BACE2: variants seen among roughly 807,000 people sequenced by gnomAD.
BACE2 encodes the protein beta-secretase 2, also known as 56 kDa aspartic-like protease.
A neutral mutation model predicts 46.2 loss-of-function variants in BACE2; 17 were observed. The observed-to-expected ratio is 0.37, with a 90% confidence interval of 0.25 to 0.55. The LOEUF is 0.55. BACE2 is among the 20% of genes least tolerant of loss of function. The probability of loss-of-function intolerance (pLI) is 0.82; values close to 1 mark genes in which losing one functional copy is unlikely to be tolerated. For missense variants in BACE2, 595 were observed against 698.1 expected (o/e 0.85, Z 1.66); for synonymous variants, 277 against 295.9 (o/e 0.94, Z 0.66).
intron 8 of BACE2, among the ~76,000 whole-genome samples, chr21:41,273,527 C>T (rs1032620902): frequency 2.0e-5 from 3 of 152,212 alleles, no homozygotes; most frequent in Admixed American, 6.5e-5. Flanking sequence ...AAATATGGCT[C>T]TGTTCCGCCC....
rs1223343832 is a variant in BACE2, at chr21:41,279,103, T to A, written c.*3479T>A. 6.6e-6 allele frequency: 1 copy of A among 152,090 alleles called. No individual in the cohort carries two copies. Among genetic ancestry groups the A allele is most frequent in the East Asian group, 1.9e-4 (1 of 5,184 alleles). 9.4% of individuals were successfully genotyped at this position (152,090 alleles called of 1,614,324 possible). ...GTTCTGGCCAAGAGAGGTACTAGATTTTTTTAATGCCGAGAAAAGTCCATG... is the reference window on the plus strand; with the variant it reads ...GTTCTGGCCAAGAGAGGTACTAGATATTTTTAATGCCGAGAAAAGTCCATG... On this transcript the variant is annotated 3_prime_UTR_variant, in exon 9 of 9. Coordinates refer to ENST00000330333, the MANE Select transcript of BACE2 (RefSeq NM_012105.5).
intron 1 of BACE2, among the ~76,000 whole-genome samples, chr21:41,215,447 C>T (rs1047295285): frequency 2.9e-4 from 44 of 152,318 alleles, no homozygotes; most frequent in African/African-American, 1.0e-3. Context: ...GCTCTCACCC[C>T]ATGCCCCAGG....
chr21:41,224,972 C>T (rs1276176727), intron 1 of BACE2, among the ~76,000 whole-genome samples: 1 of 152,178 alleles, frequency 6.6e-6, no homozygotes, highest in African/African-American at 2.4e-5. Flanking sequence ...CGGTGGCTCA[C>T]GCCTGTAATC....
At chr21:41,209,323 C>G (rs1400854338) in intron 1 of BACE2, among the ~76,000 whole-genome samples, 2 of 152,206 alleles carry the variant, frequency 1.3e-5, no homozygotes. Flanking sequence ...AGAGAGGGAA[C>G]AGAGGTGCCC....
chr21:41,221,553 C>T lies in BACE2; in HGVS notation c.313-4713C>T, dbSNP rs529569761. Among the ~76,000 whole-genome samples, 7 of 152,116 alleles carry T rather than the reference C, an allele frequency of 4.6e-5. No individual in the cohort carries two copies. The South Asian group carries it at 6.2e-4, about 14-fold the overall frequency. On this transcript the variant is annotated intron_variant, in intron 1 of 8. Transcript: ENST00000330333. ...CAAATGTGTGAGTGTCGGCCGGGCG[C>T]GGTGGCTCACGCCTGTAATCCCAGC...
At chr21:41,168,708 A>C in intron 1 of BACE2, 133 bp downstream of exon 1, 5 of 414,186 alleles carry the variant, frequency 1.2e-5, no homozygotes, top group Non-Finnish European at 1.8e-5. Flanking sequence ...CGGGGAACGC[A>C]GAGGGGCTCG....
intron 3 of BACE2, among the ~76,000 whole-genome samples, chr21:41,240,681 A>G (rs1568882395): frequency 6.6e-6 from 1 of 152,174 alleles, no homozygotes; most frequent in African/African-American, 2.4e-5. Context: ...CCAAGAGGTG[A>G]TTTTGTCTCA....
intron 2 of BACE2, among the ~76,000 whole-genome samples, chr21:41,233,056 G>A (rs1194369578): frequency 1.3e-5 from 2 of 152,056 alleles, no homozygotes; most frequent in Non-Finnish European, 2.9e-5. Flanking sequence ...TTTCAGTAGA[G>A]ACGGGGTTTC....
intron 1 of BACE2, among the ~76,000 whole-genome samples, chr21:41,218,840 G>A (rs1207154408): frequency 6.6e-6 from 1 of 151,084 alleles, no homozygotes; most frequent in African/African-American, 2.4e-5. Flanking sequence ...CTATCCTGGA[G>A]CACCCCCTGT....
chr21:41,274,805 T>C (rs1362497004), intron 8 of BACE2, among the ~76,000 whole-genome samples: 1 of 152,188 alleles, frequency 6.6e-6, no homozygotes, highest in Non-Finnish European at 1.5e-5. Flanking sequence ...CAAGCCAGCC[T>C]GACCCCCGGA....
intron 1 of BACE2, among the ~76,000 whole-genome samples, chr21:41,191,824 AATTCTCC>A (rs1324267586): frequency 2.6e-5 from 4 of 152,086 alleles, no homozygotes; most frequent in Non-Finnish European, 5.9e-5. Flanking sequence ...TGATTATTAA[AATTCTCC>A]TCTGGTGAGG....
At position 41,257,333 on chromosome 21, in the gene BACE2, G is replaced by T; in HGVS notation, c.1303+7G>T. On this transcript the variant is annotated splice_region_variant and intron_variant, in intron 8 of 8. Coordinates refer to ENST00000330333, the MANE Select transcript of BACE2 (RefSeq NM_012105.5). ...GCAGCGAGCCCCTGTGCAGGTGAGC[G>T]ATTCTGGCATCGAACAGGGATCCCC... The T allele has an allele frequency of 6.2e-7, 1 of 1,612,398 alleles. No individual in the cohort carries two copies. The highest frequency in any genetic ancestry group is 2.2e-5 in the East Asian group (1 of 44,852).
At chr21:41,261,252 A>G (rs1284671378) in intron 8 of BACE2, among the ~76,000 whole-genome samples, 1 of 152,188 alleles carries the variant, frequency 6.6e-6, no homozygotes, top group East Asian at 1.9e-4. Flanking sequence ...GCATTATATG[A>G]GAATTTCCAT....
chr21:41,268,080 A>G (rs893533162), intron 8 of BACE2, among the ~76,000 whole-genome samples: 7 of 152,270 alleles, frequency 4.6e-5, no homozygotes, highest in Non-Finnish European at 8.8e-5. Flanking sequence ...AGTTAAAAGT[A>G]ACAGTTTAGT....
chr21:41,192,575 C>G (rs1985611278), intron 1 of BACE2, among the ~76,000 whole-genome samples: 1 of 152,212 alleles, frequency 6.6e-6, no homozygotes, highest in African/African-American at 2.4e-5. Context: ...ATGGCAGGGC[C>G]TTGCTCCAAT....
At chr21:41,177,164 G>T (rs1164360665) in intron 1 of BACE2, 1 of 152,232 alleles carries the variant, frequency 6.6e-6, no homozygotes, top group Non-Finnish European at 1.5e-5. Flanking sequence ...GAGTAATCCT[G>T]CTTGGGGAAA....
At position 41,241,908 on chromosome 21, in the gene BACE2, C is replaced by T. The variant is rs199497429; in HGVS notation, c.708C>T (p.Gly236=). The change falls in exon 4 of 9, where the codon GGC becomes GGT. Residue 236 remains glycine (G), a synonymous_variant. Coordinates refer to ENST00000330333, the MANE Select transcript of BACE2 (RefSeq NM_012105.5). ...NVFSMQMCGA[G]LPVAGSGTNG... is the part of the protein sequence containing the mutation. The stretch of plus-strand genomic sequence containing the variant: ...TCTCCATGCAGATGTGTGGAGCCGG[C>T]TTGCCCGTTGCTGGATCTGGGACCA... The T allele has an allele frequency of 2.5e-6, 4 of 1,614,198 alleles. No homozygotes were observed. Among genetic ancestry groups the T allele is most frequent in the Non-Finnish European group, 3.4e-6 (4 of 1,180,038 alleles).
intron 8 of BACE2, among the ~76,000 whole-genome samples, chr21:41,267,150 G>A (rs538893707): frequency 1.3e-5 from 2 of 152,238 alleles, no homozygotes; most frequent in East Asian, 1.9e-4. Context: ...GGCGGTGGGT[G>A]GGAAGGTGAT....
At chr21:41,204,414 GA>G (rs1986061358) in intron 1 of BACE2, among the ~76,000 whole-genome samples, 1 of 152,148 alleles carries the variant, frequency 6.6e-6, no homozygotes, top group African/African-American at 2.4e-5. Context: ...GATCCTGGGA[GA>G]GGGGGAAAAA....
Sources: gnomAD v4.1 joint callset for allele counts (sites outside exome capture counted in the v4.1 genomes callset) on GRCh38, gnomAD v4.1.1 for gene constraint, MANE v1.5 for transcripts, NCBI Gene and HGNC (gene_info 2026-07-23, HGNC 2026-07-21) for gene names.